Variants in DLG2 observed in about 807,000 individuals in gnomAD.
DLG2 encodes the protein disks large homolog 2.
Under a neutral mutation model 132.5 loss-of-function variants are expected in DLG2, and 45 were observed. That is an observed-to-expected ratio of 0.34 (90% confidence interval 0.27 to 0.44). The LOEUF (loss-of-function observed/expected upper bound fraction) is 0.44. Among genes scored for constraint, DLG2 ranks in the 20% least tolerant of loss-of-function variants. DLG2 has a pLI of 1.00. For missense variants in DLG2, 1,045 were observed against 1,196.9 expected, an observed-to-expected ratio of 0.87 and a Z score of 1.87; for synonymous variants, 424 against 419.6, an observed-to-expected ratio of 1.01 and a Z score of -0.13.
chr11:83,945,985 CT>C (rs2083808715), intron 14 of DLG2, among the ~76,000 whole-genome samples: 1 of 123,258 alleles, frequency 8.1e-6, no homozygotes, highest in African/African-American at 3.6e-5. Context: ...TTCTCTTTCT[CT>C]CTCTCTCTTT....
chr11:83,588,240 C>A (rs1463817367), intron 19 of DLG2, among the ~76,000 whole-genome samples: 5 of 151,044 alleles, frequency 3.3e-5, no homozygotes, highest in Non-Finnish European at 7.4e-5. Flanking sequence ...CCCTGTCTGA[C>A]AGCTTTGAAG....
intron 6 of DLG2, among the ~76,000 whole-genome samples, chr11:84,751,622 G>A (rs1179222318): frequency 6.6e-6 from 1 of 152,070 alleles, no homozygotes; most frequent in Non-Finnish European, 1.5e-5. Flanking sequence ...TGGTTAACAT[G>A]CAATTCTATG....
At chr11:84,544,523 C>A (rs1317430936) in intron 6 of DLG2, among the ~76,000 whole-genome samples, 1 of 152,052 alleles carries the variant, frequency 6.6e-6, no homozygotes, top group Admixed American at 6.5e-5. Flanking sequence ...TGTTTCAAAC[C>A]AAAATAGTCC....
intron 3 of DLG2, among the ~76,000 whole-genome samples, chr11:85,467,724 G>A (rs2092839881): frequency 6.6e-6 from 1 of 152,158 alleles, no homozygotes. Flanking sequence ...GTATTTTATT[G>A]AGGATTTTTG....
At chr11:85,035,193 T>C (rs1226936595) in intron 6 of DLG2, among the ~76,000 whole-genome samples, 1 of 152,186 alleles carries the variant, frequency 6.6e-6, no homozygotes, top group Non-Finnish European at 1.5e-5. Flanking sequence ...TGAGTGATGT[T>C]ATTTCTATCA....
chr11:84,642,376 T>A (rs1014273258), intron 6 of DLG2, among the ~76,000 whole-genome samples: 1 of 151,884 alleles, frequency 6.6e-6, no homozygotes. Context: ...AGGAATAAAT[T>A]TGTATGGAGT....
intron 6 of DLG2, chr11:84,922,979 C>T: frequency 6.8e-7 from 1 of 1,477,418 alleles, no homozygotes; most frequent in Non-Finnish European, 9.4e-7. Context: ...CCTGCTCAGC[C>T]AGCAATCCGA....
chr11:85,394,899 T>A (rs1281910288), intron 3 of DLG2, among the ~76,000 whole-genome samples: 1 of 152,200 alleles, frequency 6.6e-6, no homozygotes, highest in Admixed American at 6.5e-5. Flanking sequence ...TTATGATGAA[T>A]ATAGCATTCT....
intron 6 of DLG2, among the ~76,000 whole-genome samples, chr11:84,809,506 C>T (rs564125917): frequency 4.6e-5 from 7 of 150,550 alleles, no homozygotes; most frequent in Non-Finnish European, 7.4e-5. Context: ...TGATCATCTA[C>T]AAAAAAAGAA....
At chr11:84,819,451 T>G in intron 6 of DLG2, among the ~76,000 whole-genome samples, 1 of 151,886 alleles carries the variant, frequency 6.6e-6, no homozygotes, top group East Asian at 2.0e-4. Flanking sequence ...AGGTGAATAT[T>G]TGAGATTCTA....
chr11:85,387,959 GA>G (rs2086485638), intron 3 of DLG2, among the ~76,000 whole-genome samples: 1 of 152,174 alleles, frequency 6.6e-6, no homozygotes. Context: ...CCATTTGAAG[GA>G]GGTGGAATGC....
chr11:83,497,434 C>T lies in DLG2; in HGVS notation c.2194-13206G>A, dbSNP rs191000299. 6.7e-3 allele frequency among the ~76,000 whole-genome samples: 1,024 copies of T among 152,134 alleles called. 12 individuals are homozygous for T. The highest frequency in any genetic ancestry group is 0.023 in the African/African-American group (955 of 41,524). On this transcript the variant is annotated intron_variant, in intron 21 of 27. Transcript: ENST00000376104. ...CCTGTAGTCCCATCTACTCAGGAGG[C>T]TGAGACAGGAGAATTGCTTGAACCT...
intron 8 of DLG2, among the ~76,000 whole-genome samples, chr11:84,234,751 G>GTATT (rs2097137501): frequency 6.6e-6 from 1 of 152,132 alleles, no homozygotes. Flanking sequence ...TGACTATTTA[G>GTATT]AGTAATAAAA....
intron 18 of DLG2, among the ~76,000 whole-genome samples, chr11:83,772,587 G>C (rs1026906678): frequency 6.6e-6 from 1 of 151,592 alleles, no homozygotes; most frequent in African/African-American, 2.4e-5. Context: ...AGAAAGAAAA[G>C]AGAGAGAGGA....
chr11:84,723,005 A>G (rs1189841443), intron 6 of DLG2, among the ~76,000 whole-genome samples: 2 of 152,180 alleles, frequency 1.3e-5, no homozygotes, highest in South Asian at 4.1e-4. Context: ...CAGATTAAGT[A>G]TATCCTTTAC....
At chr11:84,012,517 T>C (rs2094942350) in intron 11 of DLG2, among the ~76,000 whole-genome samples, 1 of 152,198 alleles carries the variant, frequency 6.6e-6, no homozygotes, top group South Asian at 2.1e-4. Context: ...CTGAAATCTT[T>C]GGAATATAGT....
intron 2 of DLG2, among the ~76,000 whole-genome samples, chr11:85,604,817 G>T (rs188112686): frequency 6.6e-6 from 1 of 152,246 alleles, no homozygotes; most frequent in Admixed American, 6.5e-5. Flanking sequence ...ACTCTATATT[G>T]TACATGGTTT....
At chr11:83,987,343 C>A (rs2154179749) in intron 11 of DLG2, among the ~76,000 whole-genome samples, 1 of 152,256 alleles carries the variant, frequency 6.6e-6, no homozygotes, top group African/African-American at 2.4e-5. Flanking sequence ...TTGGAAAAAA[C>A]TACTTTAAAG....
At chr11:84,496,682 T>A (rs1369844719) in intron 7 of DLG2, among the ~76,000 whole-genome samples, 1 of 152,102 alleles carries the variant, frequency 6.6e-6, no homozygotes, top group Non-Finnish European at 1.5e-5. Flanking sequence ...TTTATATATA[T>A]AAAAAATAAT....
Sources: allele counts gnomAD v4.1 joint callset (sites outside exome capture counted in the v4.1 genomes callset), GRCh38; gene constraint gnomAD v4.1.1; transcripts MANE v1.5; gene names NCBI Gene and HGNC (gene_info 2026-07-23, HGNC 2026-07-21).